MROH9: variants seen among roughly 807,000 people sequenced by gnomAD.
The protein encoded by MROH9 is maestro heat-like repeat-containing protein family member 9.
In MROH9, 92 loss-of-function variants were observed where a neutral mutation model predicts 98.2. The ratio of observed to expected loss-of-function variants is 0.94; its 90% CI spans 0.79 to 1.11. MROH9 has a LOEUF of 1.11. Ranked by LOEUF, MROH9 falls within the 50% of genes most tolerant of loss-of-function variation. The pLI is 0.00. For synonymous variants in MROH9, 397 were observed against 368.9 expected (o/e 1.08, Z -0.87); for missense variants, 1,057 against 1,014.8 (o/e 1.04, Z -0.57).
At chr1:170,960,711 C>T (rs1053525064) in intron 5 of MROH9, among the ~76,000 whole-genome samples, 3 of 152,208 alleles carry the variant, frequency 2.0e-5, no homozygotes, top group South Asian at 2.1e-4. Flanking sequence ...CAGTCTCCAC[C>T]TTCTGGACTC....
At position 170,968,667 on chromosome 1, in the gene MROH9, G is replaced by T. The variant is rs183586787; in HGVS notation, c.481-3081G>T. Among the ~76,000 whole-genome samples the T allele has an allele frequency of 4.9e-4, 75 of 152,258 alleles. 1 individual carries two copies. In the East Asian group the frequency reaches 0.014, roughly 29 times the overall value. On this transcript the variant is annotated intron_variant, in intron 7 of 21. Coordinates refer to ENST00000367759, the MANE Select transcript of MROH9 (RefSeq NM_001163629.2). ...AGAGCCTGAGGTGGGAGGACCTCTT[G>T]AGCCCAGGAGTTCTAGGCTGCAGTG...
chr1:170,994,543 T>C (rs1571486227), intron 12 of MROH9, among the ~76,000 whole-genome samples: 2 of 152,174 alleles, frequency 1.3e-5, no homozygotes, highest in African/African-American at 4.8e-5. Context: ...CAGCATATAA[T>C]ATAAAATACG....
intron 16 of MROH9, 124 bp downstream of exon 16, chr1:171,014,378 C>G (rs937216372): frequency 1.2e-6 from 1 of 810,872 alleles, no homozygotes; most frequent in Non-Finnish European, 1.8e-6. Context: ...TAAAACATAT[C>G]AAAGCCTGCT....
chr1:170,972,106 A>C (rs554675487), intron 8 of MROH9, among the ~76,000 whole-genome samples: 1 of 152,104 alleles, frequency 6.6e-6, no homozygotes, highest in Non-Finnish European at 1.5e-5. Context: ...CTGTGCTTAG[A>C]TTACTTGAGG....
intron 12 of MROH9, among the ~76,000 whole-genome samples, chr1:170,994,163 G>A (rs1557889289): frequency 6.6e-6 from 1 of 152,156 alleles, no homozygotes; most frequent in Non-Finnish European, 1.5e-5. Flanking sequence ...AAGATAAAAT[G>A]TATTGAGATC....
At chr1:171,025,453 G>T in intron 20 of MROH9, 33 bp downstream of exon 20, 1 of 1,333,358 alleles carries the variant, frequency 7.5e-7, no homozygotes. Context: ...TTCCTAACTT[G>T]TCTTAAATGG....
At chr1:170,981,203 G>A (rs963091975) in intron 8 of MROH9, among the ~76,000 whole-genome samples, 2 of 152,292 alleles carry the variant, frequency 1.3e-5, no homozygotes, top group Non-Finnish European at 2.9e-5. Flanking sequence ...AAACAGTATG[G>A]TGATTCCTCA....
chr1:171,023,746 G>T (rs552964837), intron 17 of MROH9, among the ~76,000 whole-genome samples: 386 of 151,966 alleles, frequency 2.5e-3, no homozygotes, highest in African/African-American at 8.9e-3. Flanking sequence ...TATCTTTTTT[G>T]TGTGTGTGGT....
At chr1:170,998,429 TG>T (rs1167094875) in intron 15 of MROH9, 155 bp downstream of exon 15, 1 of 1,590,766 alleles carries the variant, frequency 6.3e-7, no homozygotes. Flanking sequence ...TGGGGAGAGG[TG>T]TGGAGTTAGA....
chr1:170,968,025 T>C (rs146813747), intron 7 of MROH9, among the ~76,000 whole-genome samples: 4 of 152,308 alleles, frequency 2.6e-5, no homozygotes, highest in Admixed American at 2.6e-4. Context: ...GTGTTTTCAA[T>C]GGGCTAGTGA....
intron 17 of MROH9, among the ~76,000 whole-genome samples, chr1:171,018,318 T>C (rs968056894): frequency 1.3e-5 from 2 of 151,156 alleles, no homozygotes; most frequent in Admixed American, 1.3e-4. Flanking sequence ...GACCTGACCA[T>C]TGCAAGAGAA....
intron 17 of MROH9, 34 bp downstream of exon 17, chr1:171,016,370 G>T (rs1413009316): frequency 6.5e-6 from 9 of 1,379,194 alleles, no homozygotes; most frequent in Non-Finnish European, 8.5e-6. Flanking sequence ...GAGATCATTA[G>T]GTTTTGTGGT....
At chr1:170,956,176 T>C (rs1649749725) in intron 3 of MROH9, among the ~76,000 whole-genome samples, 1 of 152,226 alleles carries the variant, frequency 6.6e-6, no homozygotes, top group Non-Finnish European at 1.5e-5. Context: ...TTGGTCTATG[T>C]GCCTATTTTT....
chr1:171,000,033 T>TA (rs1408381195), intron 15 of MROH9, among the ~76,000 whole-genome samples: 2 of 152,146 alleles, frequency 1.3e-5, no homozygotes, highest in African/African-American at 4.8e-5. Flanking sequence ...TGGGATTACT[T>TA]GTTTTTTTCT....
rs1393862818 is a variant in MROH9, at chr1:170,953,758, A to G, written c.73-4703A>G. 4.0e-5 allele frequency among the ~76,000 whole-genome samples: 6 copies of G among 149,906 alleles called. No homozygotes were observed. The East Asian group carries it at 9.7e-4, about 24-fold the overall frequency. On this transcript the variant is annotated intron_variant, in intron 3 of 21. Coordinates refer to ENST00000367759, the MANE Select transcript of MROH9 (RefSeq NM_001163629.2). ...AAAAGAAAAGAAAAGAAAAGAAAAG[A>G]AAGAGAAAGAAAGGATGGAGAGAGG...
At chr1:170,944,201 C>T (rs926523589) in intron 1 of MROH9, among the ~76,000 whole-genome samples, 5 of 151,848 alleles carry the variant, frequency 3.3e-5, no homozygotes, top group Non-Finnish European at 5.9e-5. Flanking sequence ...CATCTTTGCT[C>T]ATAGTTGGGA....
chr1:171,037,908 A>G (rs1251225692), intron 20 of MROH9, among the ~76,000 whole-genome samples: 1 of 152,020 alleles, frequency 6.6e-6, no homozygotes, highest in Admixed American at 6.6e-5. Flanking sequence ...TTTTACTCCC[A>G]TTTCATTTCT....
chr1:171,060,941 G>A (rs533057807), intron 20 of MROH9, among the ~76,000 whole-genome samples: 1 of 152,084 alleles, frequency 6.6e-6, no homozygotes, highest in Non-Finnish European at 1.5e-5. Flanking sequence ...GAAAAATTTA[G>A]CCATGAGATA....
chr1:170,961,801 A>T, intron 5 of MROH9, 89 bp from the exon 6 acceptor site: 1 of 533,748 alleles, frequency 1.9e-6, no homozygotes, highest in Non-Finnish European at 3.2e-6. Context: ...AACCCAGTTA[A>T]AAGTAACTTT....
Sources: allele counts gnomAD v4.1 joint callset (sites outside exome capture counted in the v4.1 genomes callset), GRCh38; gene constraint gnomAD v4.1.1; transcripts MANE v1.5; gene names NCBI Gene and HGNC (gene_info 2026-07-23, HGNC 2026-07-21).